Variants in DACH1 observed in about 807,000 individuals in gnomAD.
The protein encoded by DACH1 is dachshund family transcription factor 1.
In DACH1, 12 loss-of-function variants were observed where a neutral mutation model predicts 54.2. The observed-to-expected ratio is 0.22, with a 90% confidence interval of 0.14 to 0.36. The LOEUF (loss-of-function observed/expected upper bound fraction) is 0.36, where lower values mean the gene tolerates loss of function less well. Among genes scored for constraint, DACH1 ranks in the 10% least tolerant of loss-of-function variants. The pLI is 1.00. For missense variants in DACH1, 805 were observed against 929.8 expected (o/e 0.87, Z 1.75); for synonymous variants, 386 against 366.2 (o/e 1.05, Z -0.62).
rs185287386 is a variant in DACH1, at chr13:71,641,838, A to C, written c.965-11121T>G. On this transcript the variant is annotated intron_variant, in intron 2 of 10. Transcript: ENST00000613252. Reference sequence around the variant, plus strand: ...GACTTCACACCTTACTGTTCAAAAAATAAATGGTGTTTAGGTTTGAATTTA... The same window carrying C: ...GACTTCACACCTTACTGTTCAAAAACTAAATGGTGTTTAGGTTTGAATTTA... Among the ~76,000 whole-genome samples, 214 of 152,324 alleles carry C rather than the reference A, an allele frequency of 1.4e-3. 1 individual carries two copies. The highest frequency in any genetic ancestry group is 5.0e-3 in the African/African-American group (206 of 41,576).
intron 1 of DACH1, among the ~76,000 whole-genome samples, chr13:71,799,945 C>A (rs1887223007): frequency 6.6e-6 from 1 of 151,972 alleles, no homozygotes; most frequent in Non-Finnish European, 1.5e-5. Flanking sequence ...TTTATGGATA[C>A]TTTTTCTATT....
chr13:71,596,104 A>ATTTT (rs112792537), intron 3 of DACH1, among the ~76,000 whole-genome samples: 3 of 149,756 alleles, frequency 2.0e-5, no homozygotes, highest in Non-Finnish European at 4.5e-5. Flanking sequence ...ACATATATGT[A>ATTTT]TTTTTTTTTT....
chr13:71,666,517 A>G lies in DACH1; in HGVS notation c.964+15278T>C, dbSNP rs111956191. Among the ~76,000 whole-genome samples the G allele has an allele frequency of 5.3e-5, 8 of 152,308 alleles. 1 individual carries two copies. Among genetic ancestry groups the G allele is most frequent in the African/African-American group, 1.9e-4 (8 of 41,572 alleles). ...TTTGAATATACTAATTGGGTTTCCAACTATGCTACTTATGAAATGCTAAAC... is the reference window on the plus strand; with the variant it reads ...TTTGAATATACTAATTGGGTTTCCAGCTATGCTACTTATGAAATGCTAAAC... On this transcript the variant is annotated intron_variant, in intron 2 of 10. Transcript: ENST00000613252.
rs548997656 is a variant in DACH1, at chr13:71,821,615, AT to A, written c.848+44306del. Among the ~76,000 whole-genome samples the A allele has an allele frequency of 5.3e-5, 8 of 152,260 alleles. No homozygotes were observed. The East Asian group carries it at 1.5e-3, about 29-fold the overall frequency. Reference sequence around the variant, plus strand: ...AGTTATATATTTTCTTTATAGGTCTATGCATTTAGATGATGAGAGTACAGTT... The same window carrying A: ...AGTTATATATTTTCTTTATAGGTCTAGCATTTAGATGATGAGAGTACAGTT... On this transcript the variant is annotated intron_variant, in intron 1 of 10. Coordinates refer to ENST00000613252, the MANE Select transcript of DACH1 (RefSeq NM_080759.6).
intron 6 of DACH1, among the ~76,000 whole-genome samples, chr13:71,527,210 AAT>A (rs1353995665): frequency 1.1e-4 from 17 of 151,942 alleles, no homozygotes; most frequent in African/African-American, 3.6e-4. Context: ...TTTAAATTAA[AAT>A]ATCTTTGGTT....
At chr13:71,586,994 A>T (rs962631174) in intron 3 of DACH1, among the ~76,000 whole-genome samples, 3 of 152,116 alleles carry the variant, frequency 2.0e-5, no homozygotes, top group Non-Finnish European at 1.5e-5. Flanking sequence ...ACAATTTAAC[A>T]TGCTAAAATA....
Position 71,833,232 on chromosome 13 carries a change from GATGGGTTCT to G in DACH1, c.848+32681_848+32689del, listed in dbSNP as rs1475538369. Among the ~76,000 whole-genome samples, 7 of 152,076 alleles carry G rather than the reference GATGGGTTCT, an allele frequency of 4.6e-5. 1 individual carries two copies. In the South Asian group the frequency reaches 1.4e-3, roughly 31 times the overall value. ...ATACCTGCCCCAGGACCCACTGAGG[GATGGGTTCT>G]ATGGTCCAGTGGATGTAGGTCACTT... On this transcript the variant is annotated intron_variant, in intron 1 of 10. Transcript: ENST00000613252.
At chr13:71,796,861 G>A (rs1164532732) in intron 1 of DACH1, among the ~76,000 whole-genome samples, 2 of 152,154 alleles carry the variant, frequency 1.3e-5, no homozygotes, top group Middle Eastern at 6.8e-3. Context: ...GACACTTAGG[G>A]TTAGGAAACT....
chr13:71,480,757 T>C (rs1003871168), intron 7 of DACH1, among the ~76,000 whole-genome samples: 2 of 152,190 alleles, frequency 1.3e-5, no homozygotes, highest in African/African-American at 4.8e-5. Context: ...GCTTGACTTG[T>C]AAGCGCAATA....
chr13:71,864,214 C>CACACACACACACACACACACA (rs35136330), intron 1 of DACH1, among the ~76,000 whole-genome samples: 3 of 113,256 alleles, frequency 2.6e-5, no homozygotes, highest in African/African-American at 1.1e-4. Context: ...CACACACACA[C>CACACACACACACACACACACA]AACATTTACC....
intron 1 of DACH1, among the ~76,000 whole-genome samples, chr13:71,742,199 A>G (rs1486220105): frequency 1.3e-5 from 2 of 152,156 alleles, no homozygotes. Context: ...CTACCCAGGT[A>G]TGTGGAACTG....
chr13:71,517,320 A>G (rs1205794705), intron 6 of DACH1, among the ~76,000 whole-genome samples: 1 of 151,856 alleles, frequency 6.6e-6, no homozygotes, highest in Non-Finnish European at 1.5e-5. Context: ...ACATGAATCT[A>G]CACATTATTG....
intron 2 of DACH1, among the ~76,000 whole-genome samples, chr13:71,652,430 G>A (rs1878751041): frequency 1.3e-5 from 2 of 152,024 alleles, no homozygotes; most frequent in African/African-American, 4.8e-5. Context: ...TTCATAACCT[G>A]TCCCTCACCT....
chr13:71,807,334 A>G (rs1274311585), intron 1 of DACH1, among the ~76,000 whole-genome samples: 2 of 148,250 alleles, frequency 1.3e-5, no homozygotes. Context: ...TAAAATAAAT[A>G]GTGGAAGCTT....
chr13:71,840,286 T>C (rs1204082388), intron 1 of DACH1, among the ~76,000 whole-genome samples: 3 of 152,182 alleles, frequency 2.0e-5, no homozygotes, highest in Non-Finnish European at 4.4e-5. Context: ...TTAAAATCTC[T>C]GGTTTAAAAC....
intron 10 of DACH1, among the ~76,000 whole-genome samples, chr13:71,442,681 T>C (rs1874110532): frequency 1.3e-5 from 2 of 152,136 alleles, no homozygotes. Flanking sequence ...AAACCCTATG[T>C]ATACTATGTT....
chr13:71,751,014 C>A (rs1475408909), intron 1 of DACH1, among the ~76,000 whole-genome samples: 1 of 152,100 alleles, frequency 6.6e-6, no homozygotes, highest in East Asian at 1.9e-4. Context: ...TGTAAATAGT[C>A]AGGAGAGGCT....
At chr13:71,792,230 A>G (rs1566503150) in intron 1 of DACH1, among the ~76,000 whole-genome samples, 1 of 152,040 alleles carries the variant, frequency 6.6e-6, no homozygotes, top group African/African-American at 2.4e-5. Flanking sequence ...ATTAAGCTCA[A>G]CTCTAGTTTG....
At chr13:71,516,358 G>C (rs544836897) in intron 6 of DACH1, among the ~76,000 whole-genome samples, 1 of 151,058 alleles carries the variant, frequency 6.6e-6, no homozygotes, top group East Asian at 2.0e-4. Flanking sequence ...TTTTCTAAAG[G>C]CGTCTAATTA....
Sources: allele counts gnomAD v4.1 joint callset (sites outside exome capture counted in the v4.1 genomes callset), GRCh38; gene constraint gnomAD v4.1.1; transcripts MANE v1.5; gene names NCBI Gene and HGNC (gene_info 2026-07-23, HGNC 2026-07-21).